Variants in STRC observed in about 807,000 individuals in gnomAD.
The protein encoded by STRC is stereocilin.
In STRC, 43 loss-of-function variants were observed where a neutral mutation model predicts 103.5. The ratio of observed to expected loss-of-function variants is 0.42; its 90% CI spans 0.33 to 0.54. The LOEUF (loss-of-function observed/expected upper bound fraction) is 0.54, where lower values mean the gene tolerates loss of function less well. STRC is among the 20% of genes least tolerant of loss of function. STRC has a pLI of 0.14. For missense variants in STRC, 499 were observed against 1,088.5 expected (o/e 0.46, Z 7.62); for synonymous variants, 186 against 442.3 (o/e 0.42, Z 7.27).
chr15:43,607,096 C>A (rs1370694004), intron 18 of STRC, among the ~76,000 whole-genome samples: 1 of 147,654 alleles, frequency 6.8e-6, no homozygotes, highest in African/African-American at 2.5e-5. Context: ...ACTGTAACAC[C>A]AGCATTTTCC....
chr15:43,609,379 T>C, intron 15 of STRC, 45 bp from the exon 16 acceptor site: 1 of 1,569,550 alleles, frequency 6.4e-7, no homozygotes, highest in South Asian at 1.1e-5. Flanking sequence ...AGAGACACTG[T>C]CCAAGGATAC....
chr15:43,603,457 A>G (rs1171414454), intron 22 of STRC, 46 bp from the exon 23 acceptor site: 2 of 1,588,306 alleles, frequency 1.3e-6, no homozygotes, highest in South Asian at 1.1e-5. Flanking sequence ...GTAATAAAAT[A>G]TGCCCAGAGA....
chr15:43,605,565 A>C (rs1393299001), intron 18 of STRC, among the ~76,000 whole-genome samples, 166 bp from the exon 19 acceptor site: 3 of 150,936 alleles, frequency 2.0e-5, no homozygotes, highest in Non-Finnish European at 4.4e-5. Context: ...CCCACCATCA[A>C]GCTTGAGTGG....
In STRC at chr15:43,600,604, T is replaced by G; in HGVS notation, c.4923A>C (p.Val1641=). The G allele has an allele frequency of 6.2e-7, 1 of 1,613,596 alleles. No homozygotes were observed. Among genetic ancestry groups the G allele is most frequent in the Non-Finnish European group, 8.5e-7 (1 of 1,179,842 alleles). Residue 1641 remains valine (V), a synonymous_variant, in exon 26 of 29, where the codon GTA becomes GTC. Coordinates refer to ENST00000450892, the MANE Select transcript of STRC (RefSeq NM_153700.2). Reference sequence around the variant, plus strand: ...TGATTGGGCCAAACCCACCAGGCAGTACAAGTAGGTGGGCCAGAACCTCCA... The same window carrying G: ...TGATTGGGCCAAACCCACCAGGCAGGACAAGTAGGTGGGCCAGAACCTCCA... ...EQLEVLAHLL[V]LPGGFGPISN...
At chr15:43,611,024 G>C (rs748006044) in intron 13 of STRC, 40 bp from the exon 14 acceptor site, 1 of 1,612,368 alleles carries the variant, frequency 6.2e-7, no homozygotes, top group Non-Finnish European at 8.5e-7. Context: ...GTGTGTGTGT[G>C]TGTGTGTGTG....
intron 22 of STRC, 69 bp from the exon 23 acceptor site, chr15:43,603,480 T>G: frequency 6.6e-7 from 1 of 1,522,510 alleles, no homozygotes; most frequent in Admixed American, 1.7e-5. Flanking sequence ...TATCTGTAGA[T>G]AGAGTGAGTC....
chr15:43,609,200 A>C, intron 16 of STRC, 76 bp downstream of exon 16: 1 of 1,459,702 alleles, frequency 6.9e-7, no homozygotes, highest in Non-Finnish European at 9.6e-7. Flanking sequence ...TCCATATCAC[A>C]TGGTGCCTGG....
chr15:43,604,517 A>G, intron 20 of STRC, 66 bp from the exon 21 acceptor site: 4 of 1,595,594 alleles, frequency 2.5e-6, no homozygotes, highest in Non-Finnish European at 3.4e-6. Context: ...GAAGGGGAAA[A>G]GAGGACATGC....
intron 23 of STRC, among the ~76,000 whole-genome samples, chr15:43,602,991 A>C (rs1176172963): frequency 6.6e-6 from 1 of 151,916 alleles, no homozygotes; most frequent in East Asian, 1.9e-4. Flanking sequence ...ATAAAGAAAA[A>C]AATCTGTTCC....
chr15:43,608,032 G>C, intron 17 of STRC, 48 bp downstream of exon 17: 1 of 1,610,960 alleles, frequency 6.2e-7, no homozygotes, highest in Non-Finnish European at 8.5e-7. Context: ...TCTATACCTA[G>C]GGTCCCAGCC....
At position 43,608,057 on chromosome 15, in the gene STRC, A is replaced by G. The variant is rs1443518386; in HGVS notation, c.3681+23T>C. ...GGGTCCCAGCCTCCCTGCTCCCACTAAAGTCCAGGCACCCCCTCTCACCAG... is the reference window on the plus strand; with the variant it reads ...GGGTCCCAGCCTCCCTGCTCCCACTGAAGTCCAGGCACCCCCTCTCACCAG... On this transcript the variant is annotated intron_variant, in intron 17 of 28. Transcript: ENST00000450892. 5.6e-6 allele frequency: 9 copies of G among 1,610,590 alleles called. 1 individual carries two copies. The highest frequency in any genetic ancestry group is 2.2e-5 in the East Asian group (1 of 44,794).
At position 43,602,812 on chromosome 15, in the gene STRC, C is replaced by CT. The variant is rs1276218193; in HGVS notation, c.4545+429dup. Among the ~76,000 whole-genome samples, 4 of 151,200 alleles carry CT rather than the reference C, an allele frequency of 2.6e-5. No homozygotes were observed. In the South Asian group the frequency reaches 6.3e-4, roughly 24 times the overall value. On this transcript the variant is annotated intron_variant, in intron 23 of 28. Transcript: ENST00000450892. Reference sequence around the variant, plus strand: ...AGTGTGCACCACCATGCCCGGCTAACTTTTTTGTATTTTTAGTAGAGACCG... The same window carrying CT: ...AGTGTGCACCACCATGCCCGGCTAACTTTTTTTGTATTTTTAGTAGAGACCG...
intron 18 of STRC, among the ~76,000 whole-genome samples, chr15:43,606,323 C>T (rs1344238507): frequency 2.2e-5 from 2 of 92,932 alleles, no homozygotes; most frequent in African/African-American, 7.9e-5. Context: ...AAAAACAGGC[C>T]GGACGCAGTG....
chr15:43,602,112 ACT>A (rs1217978428), intron 23 of STRC, among the ~76,000 whole-genome samples: 2 of 118,152 alleles, frequency 1.7e-5, no homozygotes, highest in Admixed American at 1.0e-4. Context: ...ACAGAGTGAG[ACT>A]CTGTCTCAAA....
chr15:43,600,424 T>C, intron 26 of STRC, 110 bp downstream of exon 26: 1 of 1,558,612 alleles, frequency 6.4e-7, no homozygotes. Context: ...AGCCCCTTAT[T>C]TAAACACCCT....
intron 23 of STRC, chr15:43,602,733 C>A (rs1490558702): frequency 1.2e-5 from 2 of 171,012 alleles, no homozygotes; most frequent in African/African-American, 4.9e-5. Context: ...CAAGCTCCCC[C>A]TCCCAGGTTC....
rs763016653 is a variant in STRC at position 43,601,429 on chromosome 15, G to T, written c.4668C>A (p.Thr1556=). Residue 1556 remains threonine (T), a synonymous_variant, in exon 24 of 29, where the codon ACC becomes ACA. Transcript: ENST00000450892. The part of the protein sequence containing the change: ...LILVDWGVLS[T]LGQIDGWSTT... The stretch of plus-strand genomic sequence containing the variant: ...TGCTCCAGCCATCTATCTGCCCCAG[G>T]GTGCTCAGCACTCCCCAGTCCACTA... 2 of 1,613,688 alleles carry T rather than the reference G, an allele frequency of 1.2e-6. No homozygotes were observed. Among genetic ancestry groups the T allele is most frequent in the South Asian group, 2.2e-5 (2 of 91,064 alleles).
At chr15:43,610,023 CA>C in intron 15 of STRC, 1 of 312,792 alleles carries the variant, frequency 3.2e-6, no homozygotes, top group Admixed American at 4.1e-5. Context: ...GACTTCATCT[CA>C]AAAAACAAAA....
intron 17 of STRC, 39 bp downstream of exon 17, chr15:43,608,041 C>G: frequency 6.2e-7 from 1 of 1,610,998 alleles, no homozygotes; most frequent in Non-Finnish European, 8.5e-7. Flanking sequence ...AGGGTCCCAG[C>G]CTCCCTGCTC....
Sources: allele counts gnomAD v4.1 joint callset (sites outside exome capture counted in the v4.1 genomes callset), GRCh38; gene constraint gnomAD v4.1.1; transcripts MANE v1.5; gene names NCBI Gene and HGNC (gene_info 2026-07-23, HGNC 2026-07-21).